Variants in WWOX observed in about 807,000 individuals in gnomAD.
The protein encoded by WWOX is WW domain-containing oxidoreductase.
A neutral mutation model predicts 46.2 loss-of-function variants in WWOX; 69 were observed. The ratio of observed to expected loss-of-function variants is 1.49; its 90% confidence interval spans 1.23 to 1.82. WWOX has a LOEUF of 1.82. Ranked by LOEUF, WWOX falls within the 40% of genes most tolerant of loss-of-function variation. The pLI, the probability that WWOX is intolerant of heterozygous loss-of-function variation, is 0.00. For missense variants in WWOX, 919 were observed against 542.6 expected, an observed-to-expected ratio of 1.69 and a Z score of -6.89; for synonymous variants, 359 against 202.6, an observed-to-expected ratio of 1.77 and a Z score of -6.56.
chr16:78,888,903 C>T (rs888994812), intron 8 of WWOX, among the ~76,000 whole-genome samples: 1 of 152,096 alleles, frequency 6.6e-6, no homozygotes, highest in African/African-American at 2.4e-5. Context: ...TTCCATTCCT[C>T]ACAGTGGCAA....
chr16:78,903,141 A>T (rs978373643), intron 8 of WWOX, among the ~76,000 whole-genome samples: 2 of 152,214 alleles, frequency 1.3e-5, no homozygotes, highest in African/African-American at 4.8e-5. Flanking sequence ...GGGGCCCTGG[A>T]TAGAGAATCT....
chr16:78,888,370 A>G lies in WWOX; in HGVS notation c.1057-323238A>G, dbSNP rs375578102. On this transcript the variant is annotated intron_variant, in intron 8 of 8. Transcript: ENST00000566780. ...AAATCCCAGGTACCTGCCCAGAGGCAGCTCCCTTGGCCCTTGGGTCCCTGT... is the reference window on the plus strand; with the variant it reads ...AAATCCCAGGTACCTGCCCAGAGGCGGCTCCCTTGGCCCTTGGGTCCCTGT... Among the ~76,000 whole-genome samples, 3 of 152,174 alleles carry G rather than the reference A, an allele frequency of 2.0e-5. No individual in the cohort carries two copies. The East Asian group carries it at 5.8e-4, about 29-fold the overall frequency.
chr16:78,525,839 C>G (rs1476787543), intron 8 of WWOX: 1 of 64,762 alleles, frequency 1.5e-5, no homozygotes, highest in African/African-American at 4.5e-5. Context: ...AAGATGCACA[C>G]TGCTTTAAAA....
chr16:78,762,496 G>A (rs2049818904), intron 8 of WWOX, among the ~76,000 whole-genome samples: 1 of 152,204 alleles, frequency 6.6e-6, no homozygotes, highest in African/African-American at 2.4e-5. Context: ...CTGTGGTGAG[G>A]CTGCAAAGAC....
At chr16:78,612,977 A>G (rs539887761) in intron 8 of WWOX, among the ~76,000 whole-genome samples, 13 of 151,930 alleles carry the variant, frequency 8.6e-5, no homozygotes, top group Non-Finnish European at 1.3e-4. Flanking sequence ...CTTTCACCCT[A>G]CCTGTGGATC....
chr16:79,160,298 G>A (rs2050460053), intron 8 of WWOX, among the ~76,000 whole-genome samples: 1 of 152,172 alleles, frequency 6.6e-6, no homozygotes, highest in South Asian at 2.1e-4. Context: ...TGAGAAAGAA[G>A]GAAGATAGAC....
At chr16:79,165,534 G>T (rs2050576719) in intron 8 of WWOX, among the ~76,000 whole-genome samples, 1 of 152,162 alleles carries the variant, frequency 6.6e-6, no homozygotes, top group Non-Finnish European at 1.5e-5. Flanking sequence ...GTTTATGTTG[G>T]TGTTTTGTTT....
intron 8 of WWOX, among the ~76,000 whole-genome samples, chr16:78,931,496 C>T (rs559292926): frequency 3.4e-4 from 52 of 152,318 alleles, no homozygotes; most frequent in African/African-American, 1.2e-3. Context: ...TGGGCCAGTT[C>T]AGCTCAGCAA....
chr16:78,872,478 T>A (rs1184277254), intron 8 of WWOX, among the ~76,000 whole-genome samples: 1 of 152,184 alleles, frequency 6.6e-6, no homozygotes, highest in African/African-American at 2.4e-5. Context: ...CAGTGGGGGA[T>A]AAAGGGGCTG....
At chr16:78,897,329 T>C (rs1318646545) in intron 8 of WWOX, 2 of 142,188 alleles carry the variant, frequency 1.4e-5, no homozygotes. Context: ...TCCTTTCCAA[T>C]AAATCCTTTT....
At chr16:79,036,721 G>A (rs2047874003) in intron 8 of WWOX, among the ~76,000 whole-genome samples, 2 of 152,214 alleles carry the variant, frequency 1.3e-5, no homozygotes, top group African/African-American at 4.8e-5. Flanking sequence ...GATTAGTGAT[G>A]TCTGCAGTGA....
At chr16:78,810,046 A>G (rs1223207276) in intron 8 of WWOX, among the ~76,000 whole-genome samples, 3 of 152,338 alleles carry the variant, frequency 2.0e-5, no homozygotes, top group African/African-American at 4.8e-5. Context: ...TTCCATTTTT[A>G]TGCTTCCTGG....
intron 8 of WWOX, among the ~76,000 whole-genome samples, chr16:78,874,954 T>A (rs1389280409): frequency 6.6e-6 from 1 of 152,182 alleles, no homozygotes; most frequent in Admixed American, 6.5e-5. Flanking sequence ...CAGGAAGGCC[T>A]GCCCCCATGA....
rs1296705494 is a variant in WWOX at position 78,357,579 on chromosome 16, C to T, written c.517-29281C>T. Among the ~76,000 whole-genome samples, 6 of 152,134 alleles carry T rather than the reference C, an allele frequency of 3.9e-5. No individual in the cohort carries two copies. In the East Asian group the frequency reaches 9.6e-4, roughly 24 times the overall value. On this transcript the variant is annotated intron_variant, in intron 5 of 8. Coordinates refer to ENST00000566780, the MANE Select transcript of WWOX (RefSeq NM_016373.4). ...ATCAGAGAAAACGTGGTCTGGGACA[C>T]ATTTGTGGGCTATTCTATGCTAAAC... is the stretch of plus-strand genomic sequence containing the variant.
intron 8 of WWOX, among the ~76,000 whole-genome samples, chr16:78,957,278 G>C (rs2046186499): frequency 1.3e-5 from 2 of 152,312 alleles, no homozygotes; most frequent in African/African-American, 4.8e-5. Context: ...CGACATGCGT[G>C]ACGACCAGAT....
At chr16:78,721,108 C>G (rs1338021782) in intron 8 of WWOX, among the ~76,000 whole-genome samples, 1 of 151,982 alleles carries the variant, frequency 6.6e-6, no homozygotes, top group Non-Finnish European at 1.5e-5. Context: ...ATCTCTTAGC[C>G]CAGAATCTCC....
At chr16:78,144,836 T>C (rs2034144516) in intron 4 of WWOX, among the ~76,000 whole-genome samples, 1 of 152,030 alleles carries the variant, frequency 6.6e-6, no homozygotes, top group South Asian at 2.1e-4. Context: ...TTACTTTTAA[T>C]GGCAAAGATA....
intron 8 of WWOX, among the ~76,000 whole-genome samples, chr16:79,045,356 C>T (rs557436064): frequency 1.6e-4 from 25 of 152,232 alleles, no homozygotes; most frequent in African/African-American, 6.0e-4. Flanking sequence ...CAAGGATCAG[C>T]CCAGTTGTCC....
intron 8 of WWOX, among the ~76,000 whole-genome samples, chr16:78,659,314 C>T (rs563523414): frequency 6.6e-6 from 1 of 152,034 alleles, no homozygotes; most frequent in Non-Finnish European, 1.5e-5. Flanking sequence ...GTTGCACAGC[C>T]TGAGCTCCTA....
Sources: gnomAD v4.1 joint callset for allele counts (sites outside exome capture counted in the v4.1 genomes callset) on GRCh38, gnomAD v4.1.1 for gene constraint, MANE v1.5 for transcripts, NCBI Gene and HGNC (gene_info 2026-07-23, HGNC 2026-07-21) for gene names.